Variants in TRIM67 observed in about 807,000 individuals in gnomAD.
The protein encoded by TRIM67 is tripartite motif-containing protein 67.
A neutral mutation model predicts 71.0 loss-of-function variants in TRIM67; 39 were observed. That is an observed-to-expected ratio of 0.55 (90% CI 0.43 to 0.72). The LOEUF is 0.72. Ranked by LOEUF, TRIM67 falls within the 30% of genes least tolerant of loss-of-function variation. The pLI is 0.00. For missense variants in TRIM67, 973 were observed against 1,079.2 expected (o/e 0.90, Z 1.38); for synonymous variants, 481 against 473.9 (o/e 1.01, Z -0.19).
intron 1 of TRIM67, among the ~76,000 whole-genome samples, chr1:231,191,231 T>C (rs985078758): frequency 1.9e-4 from 29 of 152,128 alleles, no homozygotes; most frequent in African/African-American, 6.8e-4. Flanking sequence ...ACTCAGCTAA[T>C]TTTTGTATTT....
Position 231,197,450 on chromosome 1 carries a change from T to C in TRIM67, c.1124T>C (p.Ile375Thr). ...GAGTTTCTGGTTCAGCTAAAGAACA[T>C]ATTGCAGCAGATCCAGGTGAGCACA... ...AKEFLVQLKN[I>T]LQQIQENGLD... Residue 375 changes from isoleucine (I) to threonine (T), a missense_variant, in exon 2 of 10, where the codon ATA becomes ACA. Physicochemically the swap from Ile to Thr is moderately conservative, Grantham distance 89. Around this residue, in one of 2 missense-constraint regions of TRIM67, gnomAD observed 795 missense variants for 831.3 expected, o/e 0.96. Transcript: ENST00000366653. The C allele has an allele frequency of 1.2e-6, 2 of 1,613,970 alleles. No homozygotes were observed. Among genetic ancestry groups the C allele is most frequent in the Non-Finnish European group, 1.7e-6 (2 of 1,179,856 alleles).
At chr1:231,207,624 C>G (rs1466095190) in intron 7 of TRIM67, among the ~76,000 whole-genome samples, 1 of 152,200 alleles carries the variant, frequency 6.6e-6, no homozygotes, top group African/African-American at 2.4e-5. Flanking sequence ...ACTGCCACAG[C>G]TGGATGGTCT....
chr1:231,191,015 A>G (rs558445963), intron 1 of TRIM67, among the ~76,000 whole-genome samples: 4 of 152,104 alleles, frequency 2.6e-5, no homozygotes, highest in African/African-American at 9.6e-5. Context: ...GCTCCCCACC[A>G]TATTTCTGAG....
At chr1:231,192,022 G>C (rs548101460) in intron 1 of TRIM67, among the ~76,000 whole-genome samples, 1 of 152,316 alleles carries the variant, frequency 6.6e-6, no homozygotes, top group East Asian at 1.9e-4. Flanking sequence ...TCTTTAGAGA[G>C]TGAGAGCCAG....
chr1:231,191,264 T>C (rs1683221293), intron 1 of TRIM67, among the ~76,000 whole-genome samples: 1 of 152,174 alleles, frequency 6.6e-6, no homozygotes, highest in African/African-American at 2.4e-5. Context: ...GGGGTCTTGC[T>C]GTGTTGCTTA....
chr1:231,196,147 G>A (rs1029386095), intron 1 of TRIM67, among the ~76,000 whole-genome samples: 1 of 152,256 alleles, frequency 6.6e-6, no homozygotes, highest in Non-Finnish European at 1.5e-5. Context: ...AGGGGAAGGC[G>A]AGGGGGATAT....
intron 1 of TRIM67, among the ~76,000 whole-genome samples, chr1:231,192,842 G>A (rs529339071): frequency 1.3e-5 from 2 of 152,354 alleles, no homozygotes; most frequent in East Asian, 3.9e-4. Flanking sequence ...AAGTCTGATG[G>A]ACCTGGAAGC....
Position 231,203,864 on chromosome 1 carries a change from C to A in TRIM67, c.1535-3C>A, listed in dbSNP as rs755871284. ...CGCTAACTCATGTGTGTCCCCCTCGCAGTGCCACCCGTCCCCCTACTGCAG... is the reference window on the plus strand; with the variant it reads ...CGCTAACTCATGTGTGTCCCCCTCGAAGTGCCACCCGTCCCCCTACTGCAG... On this transcript the variant is annotated splice_region_variant and splice_polypyrimidine_tract_variant and intron_variant, in intron 5 of 9. Coordinates refer to ENST00000366653, the MANE Select transcript of TRIM67 (RefSeq NM_001004342.5). The A allele has an allele frequency of 1.2e-6, 2 of 1,612,680 alleles. No homozygotes were observed. Among genetic ancestry groups the A allele is most frequent in the South Asian group, 2.2e-5 (2 of 90,950 alleles).
chr1:231,201,381 C>T lies in TRIM67; in HGVS notation c.1398C>T (p.Arg466=), dbSNP rs373822517. Residue 466 remains arginine, a synonymous_variant, in exon 5 of 10, where the codon CGC becomes CGT. Transcript: ENST00000366653. ...FLQISDALIK[R]VQVSQEQWVK... The stretch of plus-strand genomic sequence containing the variant: ...AGATCTCAGATGCTCTGATCAAGCG[C>T]GTCCAGGTGTCTCAGGAGCAGTGGG... 1.5e-4 allele frequency: 247 copies of T among 1,613,212 alleles called. No homozygotes were observed. Among genetic ancestry groups the T allele is most frequent in the Admixed American group, 6.7e-5 (4 of 59,892 alleles).
intron 1 of TRIM67, among the ~76,000 whole-genome samples, chr1:231,193,062 T>C (rs1683274973): frequency 1.3e-5 from 2 of 152,200 alleles, no homozygotes; most frequent in South Asian, 2.1e-4. Context: ...CCCCTGGTAC[T>C]GGGCAGATGG....
In TRIM67 at chr1:231,163,932, G is replaced by A. The variant is rs200999586; in HGVS notation, c.963G>A (p.Pro321=). The A allele has an allele frequency of 8.6e-4, 1,357 of 1,584,866 alleles. No individual in the cohort carries two copies. The highest frequency in any genetic ancestry group is 4.3e-3 in the African/African-American group (321 of 74,422). The change falls in exon 1 of 10, where the codon CCG becomes CCA. Residue 321 remains proline (P), a synonymous_variant. Coordinates refer to ENST00000366653, the MANE Select transcript of TRIM67 (RefSeq NM_001004342.5). The part of the protein sequence containing the change: ...YSMYCVSCRT[P]VCYLCLEEGR... ...TGTACTGCGTGAGCTGTCGAACCCC[G>A]GTGTGTTATCTGTGCCTGGAGGAGG...
chr1:231,192,277 C>G (rs1683251710), intron 1 of TRIM67, among the ~76,000 whole-genome samples: 1 of 152,128 alleles, frequency 6.6e-6, no homozygotes, highest in African/African-American at 2.4e-5. Flanking sequence ...CTCAGCCTCC[C>G]AAGTAGCTGA....
In TRIM67 at chr1:231,219,766, ACTTTTCTTTTGCAAGTGAGC is replaced by A. The variant is rs1350120756; in HGVS notation, c.*4328_*4347del. On this transcript the variant is annotated 3_prime_UTR_variant, in exon 10 of 10. Transcript: ENST00000366653. The stretch of plus-strand genomic sequence containing the variant: ...GATGGTGATGCTGGAAAATTTCAGG[ACTTTTCTTTTGCAAGTGAGC>A]CGGTAGCTGTGTTTGTTGACCACAT... The A allele has an allele frequency of 8.3e-7, 1 of 1,209,436 alleles. No homozygotes were observed. The highest frequency in any genetic ancestry group is 1.6e-5 in the African/African-American group (1 of 62,974). 74.9% of individuals were successfully genotyped at this position (1,209,436 alleles called of 1,614,324 possible). A position where few individuals can be genotyped will look rare whatever the true frequency, so the allele number is the denominator to read the frequency against.
Position 231,216,462 on chromosome 1 carries a change from A to G in TRIM67, c.*1022A>G, listed in dbSNP as rs751185916. ...AGAAGTTAACTGAAAATGCATCCAG[A>G]TTGCTCTTCTGAGCTGAACCACTCT... On this transcript the variant is annotated 3_prime_UTR_variant, in exon 10 of 10. Coordinates refer to ENST00000366653, the MANE Select transcript of TRIM67 (RefSeq NM_001004342.5). 358 of 985,374 alleles carry G rather than the reference A, an allele frequency of 3.6e-4. 1 individual carries two copies. The highest frequency in any genetic ancestry group is 3.9e-4 in the Non-Finnish European group (327 of 829,962). 61.0% of individuals were successfully genotyped at this position (985,374 alleles called of 1,614,324 possible).
intron 2 of TRIM67, among the ~76,000 whole-genome samples, chr1:231,198,693 T>C (rs570605698): frequency 5.9e-5 from 9 of 152,314 alleles, no homozygotes; most frequent in Non-Finnish European, 1.2e-4. Context: ...GCCTGTTCTA[T>C]TACTTTAAAC....
At chr1:231,192,750 A>C (rs1683267348) in intron 1 of TRIM67, among the ~76,000 whole-genome samples, 1 of 152,248 alleles carries the variant, frequency 6.6e-6, no homozygotes, top group African/African-American at 2.4e-5. Flanking sequence ...GGCTGAGCAC[A>C]TGGCAGGCCC....
chr1:231,174,833 T>A (rs1045099501), intron 1 of TRIM67, among the ~76,000 whole-genome samples: 2 of 152,224 alleles, frequency 1.3e-5, no homozygotes, highest in Admixed American at 1.3e-4. Flanking sequence ...CCTTGCAAAC[T>A]GCCTTATGCC....
chr1:231,207,814 T>G (rs1683747316), intron 7 of TRIM67, among the ~76,000 whole-genome samples: 8 of 152,104 alleles, frequency 5.3e-5, no homozygotes, highest in Admixed American at 5.2e-4. Context: ...CCTTGCCCTG[T>G]GCATTGTGGT....
In TRIM67 at chr1:231,162,540, A is replaced by C; in HGVS notation, c.-430A>C. On this transcript the variant is annotated 5_prime_UTR_variant, in exon 1 of 10. Transcript: ENST00000366653. ...CGGGGCAGAAGGGGGGCCTCGGGGT[A>C]GCCGCCCACCGGAGCCAGGGGCTGA... 5.4e-6 allele frequency: 1 copy of C among 186,396 alleles called. No individual in the cohort carries two copies. Among genetic ancestry groups the C allele is most frequent in the Non-Finnish European group, 1.1e-5 (1 of 90,754 alleles). 11.5% of individuals were successfully genotyped at this position (186,396 alleles called of 1,614,324 possible). A position where few individuals can be genotyped will look rare whatever the true frequency, so the allele number is the denominator to read the frequency against.
Sources: allele counts gnomAD v4.1 joint callset (sites outside exome capture counted in the v4.1 genomes callset), GRCh38; gene constraint gnomAD v4.1.1; regional missense constraint gnomAD v4.1.1; transcripts MANE v1.5; gene names NCBI Gene and HGNC (gene_info 2026-07-23, HGNC 2026-07-21).